The following MACROD2 variants were observed in gnomAD, a reference collection of about 807,000 sequenced individuals.
MACROD2 encodes ADP-ribose glycohydrolase MACROD2.
A neutral mutation model predicts 70.4 loss-of-function variants in MACROD2; 36 were observed. The ratio of observed to expected loss-of-function variants is 0.51; its 90% CI spans 0.39 to 0.68. MACROD2 has a LOEUF of 0.68. Ranked by LOEUF, MACROD2 falls within the 30% of genes least tolerant of loss-of-function variation. MACROD2 has a pLI of 0.00. For synonymous variants in MACROD2, 172 were observed against 178.8 expected (o/e 0.96, Z 0.30); for missense variants, 496 against 538.4 (o/e 0.92, Z 0.78).
At chr20:15,495,587 A>G (rs4813182) in intron 7 of MACROD2, among the ~76,000 whole-genome samples, 18,394 of 152,192 alleles carry the variant, frequency 0.12, 1,413 homozygotes, top group East Asian at 0.24. Context: ...CCTGTTGTCA[A>G]TATGTACAAA....
chr20:14,631,536 C>T (rs776170044), intron 4 of MACROD2, among the ~76,000 whole-genome samples: 1 of 152,008 alleles, frequency 6.6e-6, no homozygotes, highest in Non-Finnish European at 1.5e-5. Context: ...TTTGGGAGGC[C>T]GAGGTGGGCA....
chr20:14,396,853 A>G (rs1428427347), intron 3 of MACROD2, among the ~76,000 whole-genome samples: 1 of 139,598 alleles, frequency 7.2e-6, no homozygotes, highest in Non-Finnish European at 1.5e-5. Flanking sequence ...TCAACCCAGG[A>G]GGTGGAGCTT....
intron 6 of MACROD2, among the ~76,000 whole-genome samples, chr20:15,341,446 G>A (rs865890346): frequency 3.3e-5 from 5 of 152,210 alleles, no homozygotes; most frequent in Admixed American, 6.5e-5. Context: ...GTATTTAGGA[G>A]CAACCAAGAG....
chr20:15,817,029 G>A (rs550081749), intron 8 of MACROD2, among the ~76,000 whole-genome samples: 5 of 152,268 alleles, frequency 3.3e-5, no homozygotes, highest in East Asian at 1.9e-4. Context: ...CAATGAGAGC[G>A]GAGGCTAAGC....
intron 5 of MACROD2, among the ~76,000 whole-genome samples, chr20:14,713,104 T>C (rs2071357256): frequency 6.6e-6 from 1 of 152,102 alleles, no homozygotes; most frequent in Admixed American, 6.6e-5. Context: ...AGAAGTTTCT[T>C]GTGTGAGTGT....
chr20:15,394,749 A>G lies in MACROD2; in HGVS notation c.541-36656A>G, dbSNP rs527700035. ...CTTTGTTGGGTTTCTGTTGAATCCC[A>G]AAACACTGCTTAAACTCACCTCAAT... On this transcript the variant is annotated intron_variant, in intron 6 of 17. Coordinates refer to ENST00000684519, the MANE Select transcript of MACROD2 (RefSeq NM_001351661.2). 2.1e-3 allele frequency among the ~76,000 whole-genome samples: 327 copies of G among 152,340 alleles called. 1 individual carries two copies. Among genetic ancestry groups the G allele is most frequent in the African/African-American group, 7.6e-3 (316 of 41,582 alleles).
chr20:15,362,175 T>C (rs1272159083), intron 6 of MACROD2, among the ~76,000 whole-genome samples: 2 of 151,680 alleles, frequency 1.3e-5, no homozygotes, highest in African/African-American at 4.8e-5. Context: ...CCACACCCAG[T>C]GAGTTTTTAT....
intron 5 of MACROD2, among the ~76,000 whole-genome samples, chr20:15,199,649 C>T (rs1157374996): frequency 6.6e-6 from 1 of 151,984 alleles, no homozygotes; most frequent in East Asian, 1.9e-4. Context: ...TTTCTATTGG[C>T]GTACATGAGC....
chr20:14,136,319 GT>G (rs1444881169), intron 3 of MACROD2, among the ~76,000 whole-genome samples: 1 of 152,114 alleles, frequency 6.6e-6, no homozygotes, highest in African/African-American at 2.4e-5. Context: ...AAAAGCTGGA[GT>G]TAGCCGGGGG....
chr20:16,010,619 T>G (rs1400142068), intron 15 of MACROD2, among the ~76,000 whole-genome samples: 3 of 152,200 alleles, frequency 2.0e-5, no homozygotes, highest in Non-Finnish European at 4.4e-5. Flanking sequence ...GCCACGAGGT[T>G]TCTGACAGCC....
intron 3 of MACROD2, among the ~76,000 whole-genome samples, chr20:14,209,261 C>T (rs1267842150): frequency 6.6e-6 from 1 of 152,042 alleles, no homozygotes; most frequent in Admixed American, 6.6e-5. Flanking sequence ...TGTTCTTTTC[C>T]CTGCCACTCA....
intron 6 of MACROD2, among the ~76,000 whole-genome samples, chr20:15,417,075 G>A (rs969309705): frequency 9.9e-5 from 15 of 152,114 alleles, no homozygotes; most frequent in African/African-American, 2.9e-4. Context: ...CTCTGCAGGC[G>A]TGAAATCTGC....
chr20:15,609,109 C>T (rs1233865335), intron 8 of MACROD2, among the ~76,000 whole-genome samples: 2 of 152,096 alleles, frequency 1.3e-5, no homozygotes, highest in Admixed American at 1.3e-4. Flanking sequence ...ATCTGAAATC[C>T]TCCCCTTGAA....
chr20:15,504,957 T>C (rs2047407470), intron 8 of MACROD2, among the ~76,000 whole-genome samples: 1 of 152,166 alleles, frequency 6.6e-6, no homozygotes, highest in African/African-American at 2.4e-5. Flanking sequence ...CTTTGCGGAA[T>C]AGGTATTTCC....
intron 3 of MACROD2, among the ~76,000 whole-genome samples, chr20:14,163,851 A>G (rs938599721): frequency 2.6e-5 from 4 of 151,910 alleles, no homozygotes; most frequent in African/African-American, 9.7e-5. Context: ...TATATCCCAA[A>G]TATCTGGCTT....
intron 3 of MACROD2, among the ~76,000 whole-genome samples, chr20:14,425,182 T>A (rs2083919818): frequency 6.6e-6 from 1 of 152,240 alleles, no homozygotes; most frequent in East Asian, 1.9e-4. Flanking sequence ...CTTAAGTTTT[T>A]GATATTGAGC....
intron 17 of MACROD2, among the ~76,000 whole-genome samples, chr20:16,049,290 A>T (rs1217751518): frequency 6.6e-6 from 1 of 152,138 alleles, no homozygotes; most frequent in Non-Finnish European, 1.5e-5. Flanking sequence ...TAGGCAGATT[A>T]TACCTCAATT....
intron 5 of MACROD2, among the ~76,000 whole-genome samples, chr20:14,744,607 C>T (rs891306002): frequency 6.6e-6 from 1 of 152,160 alleles, no homozygotes; most frequent in African/African-American, 2.4e-5. Flanking sequence ...ATTGAGTAGG[C>T]CCCTCCCACA....
chr20:14,467,639 T>C (rs940041135), intron 3 of MACROD2, among the ~76,000 whole-genome samples: 6 of 152,058 alleles, frequency 3.9e-5, no homozygotes, highest in South Asian at 2.1e-4. Context: ...AGCTGTAGAC[T>C]GGAGCTGTTT....
Sources: allele counts gnomAD v4.1 joint callset (sites outside exome capture counted in the v4.1 genomes callset), GRCh38; gene constraint gnomAD v4.1.1; transcripts MANE v1.5; gene names NCBI Gene and HGNC (gene_info 2026-07-23, HGNC 2026-07-21).